Variants in MYO1E observed in about 807,000 individuals in gnomAD.
MYO1E encodes the protein myosin IE, also known as unconventional myosin-Ie.
A neutral mutation model predicts 151.1 loss-of-function variants in MYO1E; 68 were observed. The ratio of observed to expected loss-of-function variants is 0.45; its 90% CI spans 0.37 to 0.55. MYO1E has a LOEUF of 0.55. Among genes scored for constraint, MYO1E ranks in the 20% least tolerant of loss-of-function variants. The pLI is 0.00. For synonymous variants in MYO1E, 601 were observed against 501.7 expected, an observed-to-expected ratio of 1.20 and a Z score of -2.64; for missense variants, 1,363 against 1,389.3, an observed-to-expected ratio of 0.98 and a Z score of 0.30.
intron 1 of MYO1E, among the ~76,000 whole-genome samples, chr15:59,349,337 T>C (rs192807152): frequency 1.3e-5 from 2 of 152,220 alleles, no homozygotes; most frequent in East Asian, 1.9e-4. Flanking sequence ...GATATAATTA[T>C]GTCTTTAGCT....
chr15:59,228,138 A>C (rs1377378204), intron 6 of MYO1E, among the ~76,000 whole-genome samples: 8 of 152,198 alleles, frequency 5.3e-5, no homozygotes, highest in Non-Finnish European at 1.2e-4. Flanking sequence ...ATAGGGAACA[A>C]AGGAGAATAA....
chr15:59,166,608 A>G (rs2079563964), intron 22 of MYO1E, among the ~76,000 whole-genome samples: 1 of 151,818 alleles, frequency 6.6e-6, no homozygotes, highest in Admixed American at 6.6e-5. Flanking sequence ...GCCTTTATTT[A>G]AGCTTTTATA....
intron 19 of MYO1E, among the ~76,000 whole-genome samples, chr15:59,177,562 A>G (rs77065131): frequency 0.013 from 2,025 of 152,304 alleles, 72 homozygotes; most frequent in East Asian, 0.05. Context: ...AGCCTTGAGA[A>G]ACGATGATGC....
Position 59,227,607 on chromosome 15 carries a change from G to C in MYO1E, c.511-17C>G. ...GTATTTTCCCTGCAAGAAAGTTAGG[G>C]ATTTCCTTCAATGGTTGGTGAACAA... On this transcript the variant is annotated splice_polypyrimidine_tract_variant and intron_variant, in intron 6 of 27. Coordinates refer to ENST00000288235, the MANE Select transcript of MYO1E (RefSeq NM_004998.4). 6.2e-7 allele frequency: 1 copy of C among 1,613,896 alleles called. No homozygotes were observed. Among genetic ancestry groups the C allele is most frequent in the South Asian group, 1.1e-5 (1 of 91,080 alleles).
intron 4 of MYO1E, among the ~76,000 whole-genome samples, chr15:59,240,249 A>G (rs1304312881): frequency 6.6e-6 from 1 of 152,226 alleles, no homozygotes; most frequent in African/African-American, 2.4e-5. Flanking sequence ...GTCTAGGAAT[A>G]GGAATTTCTA....
intron 18 of MYO1E, among the ~76,000 whole-genome samples, chr15:59,180,798 T>G (rs774139553): frequency 6.6e-6 from 1 of 152,252 alleles, no homozygotes; most frequent in African/African-American, 2.4e-5. Flanking sequence ...TGGGAACAGG[T>G]TGCACAGGGC....
chr15:59,361,981 C>T (rs1235659488), intron 1 of MYO1E, among the ~76,000 whole-genome samples: 2 of 152,022 alleles, frequency 1.3e-5, no homozygotes, highest in Non-Finnish European at 2.9e-5. Flanking sequence ...GGATTACGGG[C>T]GTCTACCACC....
intron 1 of MYO1E, 55 bp from the exon 2 acceptor site, chr15:59,272,504 A>G: frequency 1.3e-6 from 2 of 1,575,386 alleles, no homozygotes; most frequent in Non-Finnish European, 8.7e-7. Context: ...CTGTAGTAAC[A>G]AAGACAAAAT....
chr15:59,287,581 T>C (rs1179790390), intron 1 of MYO1E, among the ~76,000 whole-genome samples: 1 of 152,196 alleles, frequency 6.6e-6, no homozygotes, highest in Non-Finnish European at 1.5e-5. Context: ...AGCAAGCCAA[T>C]AGAGCAGGTC....
At chr15:59,369,122 A>G (rs74458687) in intron 1 of MYO1E, among the ~76,000 whole-genome samples, 26 of 152,248 alleles carry the variant, frequency 1.7e-4, no homozygotes, top group Admixed American at 7.2e-4. Context: ...CCTTCCCAGG[A>G]AACATTTGAA....
At chr15:59,163,665 G>A (rs1400576698) in intron 22 of MYO1E, among the ~76,000 whole-genome samples, 1 of 152,168 alleles carries the variant, frequency 6.6e-6, no homozygotes, top group Non-Finnish European at 1.5e-5. Flanking sequence ...ATAGAATGCA[G>A]TTGAAAAGGG....
intron 3 of MYO1E, among the ~76,000 whole-genome samples, chr15:59,260,159 C>T (rs1348535870): frequency 6.6e-6 from 1 of 152,158 alleles, no homozygotes. Flanking sequence ...CAACCCTTTT[C>T]AGAAAACTGG....
intron 1 of MYO1E, among the ~76,000 whole-genome samples, chr15:59,307,407 A>G (rs28394564): frequency 0.15 from 22,279 of 152,102 alleles, 2,531 homozygotes; most frequent in African/African-American, 0.32. Context: ...GCAGCTGGGC[A>G]GCTGGGGCTG....
chr15:59,268,739 T>TTTTTTTTTTTTTTTTTTTTTTTTA (rs2080272620), intron 2 of MYO1E, among the ~76,000 whole-genome samples: 1 of 138,150 alleles, frequency 7.2e-6, no homozygotes, highest in African/African-American at 2.9e-5. Flanking sequence ...TTTTTTTTTT[T>TTTTTTTTTTTTTTTTTTTTTTTTA]TTGCTTCACT....
intron 1 of MYO1E, among the ~76,000 whole-genome samples, chr15:59,316,367 T>C (rs1350012126): frequency 6.6e-6 from 1 of 152,066 alleles, no homozygotes; most frequent in Non-Finnish European, 1.5e-5. Context: ...CGGCACCCAT[T>C]ACAAAGAGAA....
At chr15:59,281,219 G>A (rs565345322) in intron 1 of MYO1E, among the ~76,000 whole-genome samples, 1 of 152,098 alleles carries the variant, frequency 6.6e-6, no homozygotes, top group South Asian at 2.1e-4. Flanking sequence ...TCTGCCCTGG[G>A]ATTACTATGA....
chr15:59,310,430 C>T (rs370037661), intron 1 of MYO1E, among the ~76,000 whole-genome samples: 1 of 152,118 alleles, frequency 6.6e-6, no homozygotes, highest in African/African-American at 2.4e-5. Flanking sequence ...AGATAACTCA[C>T]GTCCTTAAAG....
chr15:59,315,836 G>C (rs892189424), intron 1 of MYO1E, among the ~76,000 whole-genome samples: 3 of 152,194 alleles, frequency 2.0e-5, no homozygotes, highest in Middle Eastern at 3.2e-3. Context: ...ATTAAGATTG[G>C]TGTTTATATT....
At chr15:59,182,453 T>G (rs1284949104) in intron 18 of MYO1E, among the ~76,000 whole-genome samples, 4 of 152,202 alleles carry the variant, frequency 2.6e-5, no homozygotes, top group Non-Finnish European at 5.9e-5. Context: ...TCTGAGGTGA[T>G]CTGCCCACTG....
Sources: gnomAD v4.1 joint callset for allele counts (sites outside exome capture counted in the v4.1 genomes callset) on GRCh38, gnomAD v4.1.1 for gene constraint, MANE v1.5 for transcripts, NCBI Gene and HGNC (gene_info 2026-07-23, HGNC 2026-07-21) for gene names.